The following IFNA6 variants were observed in gnomAD, a reference collection of about 807,000 sequenced individuals.
The protein encoded by IFNA6 is interferon alpha-6.
For synonymous variants in IFNA6, 96 were observed against 79.2 expected, an observed-to-expected ratio of 1.21 and a Z score of -1.13; for missense variants, 235 against 212.4, an observed-to-expected ratio of 1.11 and a Z score of -0.66.
chr9:21,350,418 TTC>T, the IFNA6 span: 2 of 1,614,030 alleles, frequency 1.2e-6, no homozygotes, highest in Non-Finnish European at 1.7e-6. Context: ...GCTGTACTTT[TTC>T]TCTGTCAGGT....
At chr9:21,350,866 G>A (rs965822238) in exon 1 of IFNA6, 2 of 1,613,804 alleles carry the variant, frequency 1.2e-6, no homozygotes, top group Non-Finnish European at 8.5e-7. Flanking sequence ...AGGGCCATCA[G>A]TAAAGCAAAA....
chr9:21,350,635 G>A, the IFNA6 span: 131 of 1,614,014 alleles, frequency 8.1e-5, 1 homozygote, highest in African/African-American at 1.6e-3. Flanking sequence ...AAGGTCTGCT[G>A]AATCACCTCA....
exon 1 of IFNA6, chr9:21,350,634 T>A (rs1820440015): frequency 6.2e-7 from 1 of 1,613,914 alleles, no homozygotes; most frequent in African/African-American, 1.3e-5. Flanking sequence ...GAAGGTCTGC[T>A]GAATCACCTC....
exon 1 of IFNA6, chr9:21,350,743 G>T: frequency 6.2e-7 from 1 of 1,614,018 alleles, no homozygotes; most frequent in South Asian, 1.1e-5. Context: ...CAGGAGAAAA[G>T]AGAGATTCTC....
the IFNA6 span, chr9:21,350,872 CA>C: frequency 6.2e-7 from 1 of 1,613,490 alleles, no homozygotes; most frequent in African/African-American, 1.3e-5. Flanking sequence ...ATCAGTAAAG[CA>C]AAAGGCAAAG....
chr9:21,350,672 C>G, exon 1 of IFNA6: 1 of 1,614,042 alleles, frequency 6.2e-7, no homozygotes, highest in Non-Finnish European at 8.5e-7. Flanking sequence ...CTTCAGCCTT[C>G]TGGAACTGGT....
At chr9:21,350,516 C>T (rs1328722859) in exon 1 of IFNA6, 3 of 1,613,912 alleles carry the variant, frequency 1.9e-6, no homozygotes, top group South Asian at 1.1e-5. Flanking sequence ...ACACCTCCTG[C>T]ATCACACAGG....
exon 1 of IFNA6, chr9:21,350,661 G>A (rs764511820): frequency 1.2e-6 from 2 of 1,613,864 alleles, no homozygotes; most frequent in Non-Finnish European, 1.7e-6. Context: ...GACAGAGATG[G>A]CTTCAGCCTT....
At chr9:21,350,687 A>G (rs754801756) in exon 1 of IFNA6, 1 of 1,614,044 alleles carries the variant, frequency 6.2e-7, no homozygotes, top group South Asian at 1.1e-5. Context: ...ACTGGTTGCC[A>G]TCAAACTCCT....
At chr9:21,350,450 G>C in the IFNA6 span, 1 of 1,614,054 alleles carries the variant, frequency 6.2e-7, no homozygotes, top group Non-Finnish European at 8.5e-7. Context: ...TTCTTTGGAA[G>C]TATTTTCTCA....
exon 1 of IFNA6, chr9:21,350,810 C>G (rs1353474417): frequency 1.2e-6 from 2 of 1,613,858 alleles, no homozygotes; most frequent in African/African-American, 2.7e-5. Context: ...GGGTCTGAGG[C>G]AGATCACAGT....
Position 21,350,475 on chromosome 9 carries a change from T to A in IFNA6, c.413A>T (p.Asp138Val). Reference sequence around the variant, plus strand: ...GTATTTTCTCACAGCCAGGATGGAGTCCTCATTCATCAGGGGAGTCCCTCC... The same window carrying A: ...GTATTTTCTCACAGCCAGGATGGAGACCTCATTCATCAGGGGAGTCCCTCC... The change falls in exon 1 of 1, where the codon GAC becomes GTC. Residue 138 changes from aspartate to valine, a missense_variant. Asp to Val is a radical substitution (Grantham distance 152). Transcript: ENST00000380210. 6.2e-7 allele frequency: 1 copy of A among 1,613,888 alleles called. No homozygotes were observed. The highest frequency in any genetic ancestry group is 8.5e-7 in the Non-Finnish European group (1 of 1,179,884).
At chr9:21,350,641 C>A (rs141284622) in exon 1 of IFNA6, 324 of 1,613,884 alleles carry the variant, frequency 2.0e-4, no homozygotes, top group Non-Finnish European at 2.6e-4. Context: ...TGCTGAATCA[C>A]CTCATGGAGG....
exon 1 of IFNA6, chr9:21,350,339 T>C (rs1231140109): frequency 6.2e-7 from 1 of 1,608,358 alleles, no homozygotes; most frequent in Non-Finnish European, 8.5e-7. Flanking sequence ...TCCTTAACCT[T>C]TCTTGCAAGT....
chr9:21,350,448 A>T (rs1045096665), exon 1 of IFNA6: 1 of 1,614,014 alleles, frequency 6.2e-7, no homozygotes. Context: ...GATTCTTTGG[A>T]AGTATTTTCT....
chr9:21,350,846 G>A (rs762661508), exon 1 of IFNA6: 59 of 1,613,820 alleles, frequency 3.7e-5, no homozygotes, highest in Non-Finnish European at 2.6e-5. Context: ...ACTTGCAGCT[G>A]AGCACCACCA....
chr9:21,350,526 G>C (rs1820437750), exon 1 of IFNA6: 10 of 1,613,846 alleles, frequency 6.2e-6, no homozygotes, highest in African/African-American at 1.3e-5. Context: ...CATCACACAG[G>C]CTTCCAGGTC....
chr9:21,350,358 G>A, exon 1 of IFNA6: 1 of 1,561,952 alleles, frequency 6.4e-7, no homozygotes, highest in Non-Finnish European at 8.7e-7. Flanking sequence ...GTTTCTTGAT[G>A]AAGAGAAGGA....
Position 21,350,391 on chromosome 9 carries a change from A to G in IFNA6, c.497T>C (p.Val166Ala), listed in dbSNP as rs138969995. The change falls in exon 1 of 1, where the codon GTT (valine) becomes GCT (alanine). Residue 166 changes from valine to alanine, a missense_variant. By Grantham distance (64) the Val-to-Ala change is moderately conservative. Transcript: ENST00000380210. Reference sequence around the variant, plus strand: ...GGATCTCATGATTTCTGCTCTGACAACCTCCCAGGCACAAGGGCTGTACTT... The same window carrying G: ...GGATCTCATGATTTCTGCTCTGACAGCCTCCCAGGCACAAGGGCTGTACTT... 13 of 1,613,786 alleles carry G rather than the reference A, an allele frequency of 8.1e-6. No individual in the cohort carries two copies. In the South Asian group the frequency reaches 1.2e-4, roughly 15 times the overall value.
Sources: allele counts gnomAD v4.1 joint callset, GRCh38; gene constraint gnomAD v4.1.1; transcripts MANE v1.5; gene names NCBI Gene and HGNC (gene_info 2026-07-23, HGNC 2026-07-21).